The following TLL2 variants were observed in gnomAD, a reference collection of about 807,000 sequenced individuals.
The protein encoded by TLL2 is tolloid like 2.
In TLL2, 106 loss-of-function variants were observed where a neutral mutation model predicts 123.0. That is an observed-to-expected ratio of 0.86 (90% CI 0.74 to 1.01). The LOEUF (loss-of-function observed/expected upper bound fraction) is 1.01. TLL2 is among the 50% of genes least tolerant of loss of function. The pLI is 0.00. For missense variants in TLL2, 1,332 were observed against 1,336.7 expected (o/e 1.00, Z 0.06); for synonymous variants, 494 against 516.8 (o/e 0.96, Z 0.60).
intron 18 of TLL2, among the ~76,000 whole-genome samples, chr10:96,375,771 T>C (rs1401136731): frequency 6.6e-6 from 1 of 152,218 alleles, no homozygotes; most frequent in Non-Finnish European, 1.5e-5. Flanking sequence ...TGCGCCATAG[T>C]CCATTGATCA....
chr10:96,388,257 C>T (rs537439938), intron 13 of TLL2, among the ~76,000 whole-genome samples: 9 of 152,008 alleles, frequency 5.9e-5, no homozygotes, highest in East Asian at 3.9e-4. Context: ...CAAAATTAGC[C>T]GGGAGTGGTG....
intron 13 of TLL2, 125 bp downstream of exon 13, chr10:96,395,062 G>T: frequency 2.0e-6 from 2 of 1,017,032 alleles, no homozygotes; most frequent in African/African-American, 3.2e-5. Flanking sequence ...GAAATGCATC[G>T]CTGCCTTTTC....
At chr10:96,476,031 A>G (rs1847240897) in intron 2 of TLL2, among the ~76,000 whole-genome samples, 1 of 151,632 alleles carries the variant, frequency 6.6e-6, no homozygotes, top group Admixed American at 6.6e-5. Context: ...AGTGAGTCCA[A>G]TTAACCCTCT....
intron 12 of TLL2, 56 bp from the exon 13 acceptor site, chr10:96,395,438 T>C: frequency 6.7e-7 from 1 of 1,490,960 alleles, no homozygotes; most frequent in South Asian, 1.4e-5. Flanking sequence ...TTAAGGTTTT[T>C]GATTTAAGAA....
intron 9 of TLL2, among the ~76,000 whole-genome samples, chr10:96,409,011 G>T (rs1846476403): frequency 6.6e-6 from 1 of 152,140 alleles, no homozygotes; most frequent in African/African-American, 2.4e-5. Flanking sequence ...GCTCACAATG[G>T]TTCCTAGTCA....
intron 1 of TLL2, among the ~76,000 whole-genome samples, chr10:96,501,413 T>A (rs1288378391): frequency 6.6e-6 from 1 of 152,190 alleles, no homozygotes; most frequent in Non-Finnish European, 1.5e-5. Flanking sequence ...TGCATCCTCA[T>A]GCTCCAGGAC....
At chr10:96,389,812 A>G (rs1281401618) in intron 13 of TLL2, among the ~76,000 whole-genome samples, 6 of 152,262 alleles carry the variant, frequency 3.9e-5, no homozygotes, top group Admixed American at 3.9e-4. Context: ...CAAAGAAAAT[A>G]TAATTCCTCC....
intron 3 of TLL2, among the ~76,000 whole-genome samples, chr10:96,443,434 A>G (rs745727661): frequency 2.6e-5 from 4 of 152,120 alleles, no homozygotes; most frequent in Non-Finnish European, 5.9e-5. Flanking sequence ...CAGGGCCACA[A>G]GGAGGCACAC....
intron 16 of TLL2, among the ~76,000 whole-genome samples, chr10:96,382,379 C>T (rs771861198): frequency 9.8e-5 from 15 of 152,330 alleles, no homozygotes; most frequent in Admixed American, 3.3e-4. Flanking sequence ...TGGGCCCTTC[C>T]GAGAACAGGC....
intron 4 of TLL2, among the ~76,000 whole-genome samples, chr10:96,429,253 G>A (rs1352246076): frequency 1.3e-5 from 2 of 152,090 alleles, no homozygotes; most frequent in Admixed American, 6.5e-5. Flanking sequence ...AGCATGGGTG[G>A]TGATGGATGT....
In TLL2 at chr10:96,366,721, G is replaced by A. The variant is rs954794957; in HGVS notation, c.*1367C>T. The A allele has an allele frequency of 1.3e-5, 2 of 152,486 alleles. No homozygotes were observed. The highest frequency in any genetic ancestry group is 2.9e-5 in the Non-Finnish European group (2 of 68,048). The allele number at this position is 152,486 out of a possible 1,614,324, so 9.4% of individuals were successfully genotyped here. On this transcript the variant is annotated 3_prime_UTR_variant, in exon 21 of 21. Transcript: ENST00000357947. ...CTTGGCTCTAACCAAAAACACTCAT[G>A]TGCCGCCCTGCGTCCAACAACAACC...
intron 1 of TLL2, among the ~76,000 whole-genome samples, chr10:96,506,146 G>A (rs1240900760): frequency 6.6e-6 from 1 of 150,774 alleles, no homozygotes; most frequent in Admixed American, 6.7e-5. Flanking sequence ...CAGCTACTCA[G>A]GAGGCTGAGG....
chr10:96,509,872 G>A (rs1157479520), intron 1 of TLL2, among the ~76,000 whole-genome samples: 2 of 152,178 alleles, frequency 1.3e-5, no homozygotes, highest in Non-Finnish European at 1.5e-5. Flanking sequence ...GCGTGAACCC[G>A]GGAGGCGGAG....
At chr10:96,467,463 C>T (rs1847141817) in intron 2 of TLL2, among the ~76,000 whole-genome samples, 1 of 152,122 alleles carries the variant, frequency 6.6e-6, no homozygotes, top group Admixed American at 6.5e-5. Flanking sequence ...AAACTCCTGG[C>T]CTCACGTGAT....
intron 13 of TLL2, among the ~76,000 whole-genome samples, chr10:96,392,916 C>T (rs1846302095): frequency 6.6e-6 from 1 of 152,030 alleles, no homozygotes; most frequent in South Asian, 2.1e-4. Context: ...ACACCAGGTC[C>T]GTGTAAGGCA....
At chr10:96,375,545 T>G (rs1224825928) in intron 18 of TLL2, among the ~76,000 whole-genome samples, 1 of 152,058 alleles carries the variant, frequency 6.6e-6, no homozygotes, top group Non-Finnish European at 1.5e-5. Flanking sequence ...TCCCTAAGGC[T>G]CTCTTCAGTT....
At chr10:96,413,073 C>T (rs1326354571) in intron 8 of TLL2, 119 bp downstream of exon 8, 3 of 1,428,896 alleles carry the variant, frequency 2.1e-6, no homozygotes, top group Non-Finnish European at 2.8e-6. Context: ...AGAAGGACAC[C>T]AGAAATTAAA....
intron 13 of TLL2, among the ~76,000 whole-genome samples, chr10:96,389,484 C>T (rs1420644479): frequency 6.6e-6 from 1 of 152,034 alleles, no homozygotes; most frequent in Non-Finnish European, 1.5e-5. Flanking sequence ...AAGGCAAGAA[C>T]AGAAAGAAGG....
intron 3 of TLL2, among the ~76,000 whole-genome samples, chr10:96,437,778 C>T (rs943246487): frequency 3.3e-5 from 5 of 152,110 alleles, no homozygotes; most frequent in African/African-American, 4.8e-5. Flanking sequence ...ATGGATGAAC[C>T]ACAGTTTGTT....
Sources: allele counts gnomAD v4.1 joint callset (sites outside exome capture counted in the v4.1 genomes callset), GRCh38; gene constraint gnomAD v4.1.1; transcripts MANE v1.5; gene names NCBI Gene and HGNC (gene_info 2026-07-23, HGNC 2026-07-21).